NTRK3: variants seen among roughly 807,000 people sequenced by gnomAD.
The protein encoded by NTRK3 is NT-3 growth factor receptor.
Under a neutral mutation model 91.7 loss-of-function variants are expected in NTRK3, and 24 were observed. That is an observed-to-expected ratio of 0.26 (90% confidence interval 0.19 to 0.37). The LOEUF is 0.37. NTRK3 is among the 10% of genes least tolerant of loss of function. The pLI, the probability that NTRK3 is intolerant of heterozygous loss-of-function variation, is 1.00. For synonymous variants in NTRK3, 483 were observed against 404.0 expected (o/e 1.20, Z -2.34); for missense variants, 880 against 1,068.9 (o/e 0.82, Z 2.46).
intron 5 of NTRK3, among the ~76,000 whole-genome samples, chr15:88,156,525 C>T (rs747304196): frequency 3.3e-5 from 5 of 152,146 alleles, no homozygotes; most frequent in Non-Finnish European, 7.4e-5. Context: ...TGGCATCGCC[C>T]TGTTGGCTGC....
At chr15:88,134,592 T>A (rs992395913) in intron 10 of NTRK3, among the ~76,000 whole-genome samples, 2 of 152,180 alleles carry the variant, frequency 1.3e-5, no homozygotes, top group East Asian at 3.9e-4. Flanking sequence ...ATCCGTTAAA[T>A]GGAGGGTTAA....
chr15:87,878,975 C>T (rs115903077), intron 18 of NTRK3, among the ~76,000 whole-genome samples: 3,123 of 150,080 alleles, frequency 0.021, 128 homozygotes, highest in African/African-American at 0.073. Context: ...TCCTCCCCTG[C>T]GAAAACAGTA....
chr15:87,908,378 G>A lies in NTRK3; in HGVS notation c.2133+20813C>T. 7.5e-6 allele frequency: 3 copies of A among 397,858 alleles called. No individual in the cohort carries two copies. The East Asian group carries it at 1.1e-4, about 14-fold the overall frequency. The allele number at this position is 397,858 out of a possible 1,614,324, so 24.6% of individuals were successfully genotyped here. On this transcript the variant is annotated intron_variant, in intron 17 of 18. Coordinates refer to ENST00000394480, the Ensembl canonical transcript of NTRK3. ...GGTGGGAGGCAAGGAAAAAGAGGTT[G>A]GAAGCAGGCCCCAGCCCATGGAAGT...
chr15:88,136,162 G>T, intron 8 of NTRK3, 122 bp from the exon 9 acceptor site: 1 of 1,289,910 alleles, frequency 7.8e-7, no homozygotes, highest in Non-Finnish European at 1.1e-6. Flanking sequence ...GGAGATCTTT[G>T]TGTGAAAGCA....
At chr15:87,998,060 G>C (rs552778910) in intron 14 of NTRK3, among the ~76,000 whole-genome samples, 23 of 152,178 alleles carry the variant, frequency 1.5e-4, no homozygotes, top group Admixed American at 3.3e-4. Flanking sequence ...ATAATTCTTG[G>C]TTTTGGGGGG....
At chr15:88,221,962 C>T (rs777780289) in intron 3 of NTRK3, among the ~76,000 whole-genome samples, 101 of 152,340 alleles carry the variant, frequency 6.6e-4, no homozygotes, top group Non-Finnish European at 1.2e-3. Context: ...ACCAGGGCTT[C>T]TTGCACACCT....
At chr15:88,053,867 A>C (rs1050250742) in intron 13 of NTRK3, among the ~76,000 whole-genome samples, 1 of 152,226 alleles carries the variant, frequency 6.6e-6, no homozygotes, top group Non-Finnish European at 1.5e-5. Flanking sequence ...AAAAATCAGA[A>C]TTTCATGTCC....
chr15:88,218,576 T>TA (rs2049985347), intron 3 of NTRK3, among the ~76,000 whole-genome samples: 4 of 152,334 alleles, frequency 2.6e-5, no homozygotes, highest in Non-Finnish European at 5.9e-5. Flanking sequence ...GACGTGATGA[T>TA]TCTGAGTTTT....
intron 14 of NTRK3, among the ~76,000 whole-genome samples, chr15:88,001,553 C>T (rs555132666): frequency 9.3e-4 from 142 of 152,192 alleles, no homozygotes; most frequent in African/African-American, 3.2e-3. Flanking sequence ...ACAATGAGCA[C>T]GTGAATAGCT....
exon 19 of NTRK3, chr15:87,862,878 C>T (rs1456966438): frequency 1.7e-5 from 4 of 230,830 alleles, no homozygotes; most frequent in Middle Eastern, 1.3e-3. Context: ...ACAGCAGCAT[C>T]ACTGGGACCT....
intron 3 of NTRK3, among the ~76,000 whole-genome samples, chr15:88,227,368 G>A (rs1181217389): frequency 6.6e-6 from 1 of 152,114 alleles, no homozygotes; most frequent in Non-Finnish European, 1.5e-5. Flanking sequence ...CTAGAGCCTC[G>A]GTGTGTGACT....
exon 19 of NTRK3, chr15:87,871,424 CAAT>C: frequency 4.3e-6 from 1 of 230,570 alleles, no homozygotes; most frequent in Non-Finnish European, 8.6e-6. Context: ...AAAGAGCAAT[CAAT>C]GATCAAAATC....
intron 3 of NTRK3, among the ~76,000 whole-genome samples, chr15:88,236,777 A>C (rs1415677836): frequency 6.6e-6 from 1 of 150,922 alleles, no homozygotes; most frequent in Non-Finnish European, 1.5e-5. Context: ...TTAAAAAAAA[A>C]AAAAAAAAAA....
At chr15:87,919,813 T>A (rs534596707) in intron 17 of NTRK3, among the ~76,000 whole-genome samples, 2 of 152,264 alleles carry the variant, frequency 1.3e-5, no homozygotes, top group East Asian at 3.9e-4. Context: ...CTGGAGTTTG[T>A]TTTTTTATTT....
intron 14 of NTRK3, among the ~76,000 whole-genome samples, chr15:88,002,252 T>C (rs1391245607): frequency 7.1e-6 from 1 of 140,508 alleles, no homozygotes; most frequent in African/African-American, 2.6e-5. Context: ...CCTCAAGCTA[T>C]AAAGCATTCA....
chr15:88,190,132 G>A (rs1339823737), intron 3 of NTRK3, among the ~76,000 whole-genome samples: 3 of 152,140 alleles, frequency 2.0e-5, no homozygotes, highest in Non-Finnish European at 4.4e-5. Flanking sequence ...CAGGTAGCAG[G>A]CCCAGTATTG....
chr15:88,183,705 G>A (rs566938319), intron 4 of NTRK3, among the ~76,000 whole-genome samples: 1 of 152,196 alleles, frequency 6.6e-6, no homozygotes, highest in Non-Finnish European at 1.5e-5. Flanking sequence ...AGGCTGGGAG[G>A]TCAGGGGTCA....
intron 13 of NTRK3, among the ~76,000 whole-genome samples, chr15:88,095,654 T>C (rs1034994868): frequency 3.3e-5 from 5 of 152,186 alleles, no homozygotes; most frequent in Non-Finnish European, 5.9e-5. Flanking sequence ...TCCAAATAAA[T>C]AGGTGCATAA....
intron 13 of NTRK3, among the ~76,000 whole-genome samples, chr15:88,039,627 G>T (rs1451860681): frequency 6.6e-6 from 1 of 152,170 alleles, no homozygotes; most frequent in Non-Finnish European, 1.5e-5. Context: ...TGGGATTCAG[G>T]TTCCCAGATG....
Sources: allele counts gnomAD v4.1 joint callset (sites outside exome capture counted in the v4.1 genomes callset), GRCh38; gene constraint gnomAD v4.1.1; transcripts MANE v1.5; gene names NCBI Gene and HGNC (gene_info 2026-07-23, HGNC 2026-07-21).